Variants in MAPK11 observed in about 807,000 individuals in gnomAD.
MAPK11 encodes the protein MAP kinase 11.
MAPK11 carries 44 observed loss-of-function variants against 52.2 expected under a neutral mutation model. The ratio of observed to expected loss-of-function variants is 0.84; its 90% confidence interval spans 0.66 to 1.08. The LOEUF (loss-of-function observed/expected upper bound fraction) is 1.08, where lower values mean the gene tolerates loss of function less well. Ranked by LOEUF, MAPK11 falls within the 50% of genes least tolerant of loss-of-function variation. MAPK11 has a pLI of 0.00. For synonymous variants in MAPK11, 233 were observed against 206.3 expected (o/e 1.13, Z -1.11); for missense variants, 436 against 494.7 (o/e 0.88, Z 1.13).
At chr22:50,267,735 C>CCA in intron 2 of MAPK11, 85 bp downstream of exon 2, 1 of 1,438,528 alleles carries the variant, frequency 7.0e-7, no homozygotes, top group Non-Finnish European at 9.1e-7. Flanking sequence ...TCCCCGCCCC[C>CCA]ATCGCCAGGG....
rs894297491 is a variant in MAPK11 at position 50,264,031 on chromosome 22, C to G, written c.*917G>C. On this transcript the variant is annotated 3_prime_UTR_variant, in exon 12 of 12. Transcript: ENST00000330651. The stretch of plus-strand genomic sequence containing the variant: ...CATCCAGGTGTGCTGCCTGCCCTAG[C>G]GTCCTCAAGGCCAAACCACCCACCC... 1 of 152,506 alleles carries G rather than the reference C, an allele frequency of 6.6e-6. No individual in the cohort carries two copies. The highest frequency in any genetic ancestry group is 1.5e-5 in the Non-Finnish European group (1 of 68,296). 9.4% of individuals were successfully genotyped at this position (152,506 alleles called of 1,614,324 possible). A position where few individuals can be genotyped will look rare whatever the true frequency, so the allele number is the denominator to read the frequency against.
chr22:50,265,805 A>G (rs2065257505), intron 9 of MAPK11, 145 bp from the exon 10 acceptor site: 2 of 620,378 alleles, frequency 3.2e-6, no homozygotes, highest in African/African-American at 1.8e-5. Flanking sequence ...CCCCCTCCAT[A>G]TAGGATCTGG....
rs2147266406 is a variant in MAPK11 at position 50,263,989 on chromosome 22, G to A, written c.*959C>T. 2 of 152,552 alleles carry A rather than the reference G, an allele frequency of 1.3e-5. No individual in the cohort carries two copies. Among genetic ancestry groups the A allele is most frequent in the East Asian group, 3.9e-4 (2 of 5,188 alleles). 9.4% of individuals were successfully genotyped at this position (152,552 alleles called of 1,614,324 possible). A position where few individuals can be genotyped will look rare whatever the true frequency, so the allele number is the denominator to read the frequency against. Reference sequence around the variant, plus strand: ...GCGGGCCAGGGTGCAGGGCAGAAGTGTCCGAGTCCAAGTCCACATCCAGGT... The same window carrying A: ...GCGGGCCAGGGTGCAGGGCAGAAGTATCCGAGTCCAAGTCCACATCCAGGT... On this transcript the variant is annotated 3_prime_UTR_variant, in exon 12 of 12. Coordinates refer to ENST00000330651, the MANE Select transcript of MAPK11 (RefSeq NM_002751.7).
At position 50,265,590 on chromosome 22, in the gene MAPK11, T is replaced by C. The variant is rs1178743542; in HGVS notation, c.833A>G (p.Asn278Ser). 6.8e-6 allele frequency: 11 copies of C among 1,611,702 alleles called. No individual in the cohort carries two copies. Among genetic ancestry groups the C allele is most frequent in the East Asian group, 2.2e-5 (1 of 44,870 alleles). ...CCCAGGGCAGTCCTCACCCAGGGGGTTGGCTCCACGGAAGATGCTGCTCAG... is the reference window on the plus strand; with the variant it reads ...CCCAGGGCAGTCCTCACCCAGGGGGCTGGCTCCACGGAAGATGCTGCTCAG... ...KDLSSIFRGANPLAIDLLGRM... is the reference protein window; with the variant it reads ...KDLSSIFRGASPLAIDLLGRM... The change falls in exon 10 of 12, where the codon AAC becomes AGC. Residue 278 changes from asparagine to serine, a missense_variant. Asn to Ser is a conservative substitution (Grantham distance 46). Transcript: ENST00000330651.
chr22:50,266,788 C>G (rs575655920), intron 7 of MAPK11, 146 bp downstream of exon 7: 1 of 954,208 alleles, frequency 1.0e-6, no homozygotes, highest in South Asian at 1.4e-5. Context: ...ACCCATCATG[C>G]TCTAGCGGCC....
intron 6 of MAPK11, 31 bp downstream of exon 6, chr22:50,267,096 C>T (rs200690560): frequency 1.9e-6 from 3 of 1,611,414 alleles, no homozygotes; most frequent in South Asian, 1.1e-5. Flanking sequence ...GCTCCGCCGC[C>T]GCCCTGCCCA....
rs2065248640 is a variant in MAPK11, at chr22:50,264,773, A to G, written c.*175T>C. 1 of 586,376 alleles carries G rather than the reference A, an allele frequency of 1.7e-6. No homozygotes were observed. Among genetic ancestry groups the G allele is most frequent in the Non-Finnish European group, 3.1e-6 (1 of 327,710 alleles). The allele number at this position is 586,376 out of a possible 1,614,324, so 36.3% of individuals were successfully genotyped here. Reference sequence around the variant, plus strand: ...TCCTACACATGGCAAGCACATGTACACACATGTTTGTGCATGCATACATGC... The same window carrying G: ...TCCTACACATGGCAAGCACATGTACGCACATGTTTGTGCATGCATACATGC... On this transcript the variant is annotated 3_prime_UTR_variant, in exon 12 of 12. Coordinates refer to ENST00000330651, the MANE Select transcript of MAPK11 (RefSeq NM_002751.7).
At position 50,264,844 on chromosome 22, in the gene MAPK11, G is replaced by T. The variant is rs1569146639; in HGVS notation, c.*104C>A. 1.1e-5 allele frequency: 9 copies of T among 842,048 alleles called. No individual in the cohort carries two copies. In the East Asian group the frequency reaches 2.1e-4, roughly 20 times the overall value. 52.2% of individuals were successfully genotyped at this position (842,048 alleles called of 1,614,324 possible). A position where few individuals can be genotyped will look rare whatever the true frequency, so the allele number is the denominator to read the frequency against. On this transcript the variant is annotated 3_prime_UTR_variant, in exon 12 of 12. Coordinates refer to ENST00000330651, the MANE Select transcript of MAPK11 (RefSeq NM_002751.7). ...GAGGGGTCCTAGGCCAGAAGTCTGT[G>T]ACCATAGGAGTGTGGGAGGTGCCTC...
At position 50,267,022 on chromosome 22, in the gene MAPK11, C is replaced by G; in HGVS notation, c.522G>C (p.Gln174His). 1 of 1,612,502 alleles carries G rather than the reference C, an allele frequency of 6.2e-7. No homozygotes were observed. Among genetic ancestry groups the G allele is most frequent in the South Asian group, 1.1e-5 (1 of 91,072 alleles). ...LRILDFGLARQADEEMTGYVA... is the reference protein window; with the variant it reads ...LRILDFGLARHADEEMTGYVA... ...CATAGCCGGTCATCTCCTCGTCCGC[C>G]TGGCGCGCCAGCCCAAAATCCAGGA... The change falls in exon 7 of 12, where the codon CAG (glutamine) becomes CAC (histidine). Residue 174 changes from glutamine (Q) to histidine (H), a missense_variant. Coordinates refer to ENST00000330651, the MANE Select transcript of MAPK11 (RefSeq NM_002751.7).
intron 9 of MAPK11, among the ~76,000 whole-genome samples, chr22:50,265,906 A>T (rs1248768389): frequency 7.4e-6 from 1 of 134,964 alleles, no homozygotes; most frequent in Admixed American, 7.1e-5. Flanking sequence ...TGCCCTGGCC[A>T]GGCACTGCTT....
In MAPK11 at chr22:50,270,107, G is replaced by C; in HGVS notation, c.116+70C>G. On this transcript the variant is annotated intron_variant, in intron 1 of 11. Transcript: ENST00000330651. This position sits in a 1 kb window ranked among gnomAD's most constrained non-coding sequence, Gnocchi z 6.3. ...CCTCCCCACGCCGAGAACCTCGCGC[G>C]GGCGAGGAGGGGACGCGCTCTCCGG... is the stretch of plus-strand genomic sequence containing the variant. 1 of 759,002 alleles carries C rather than the reference G, an allele frequency of 1.3e-6. No individual in the cohort carries two copies. 47.0% of individuals were successfully genotyped at this position (759,002 alleles called of 1,614,324 possible). A position where few individuals can be genotyped will look rare whatever the true frequency, so the allele number is the denominator to read the frequency against.
intron 1 of MAPK11, among the ~76,000 whole-genome samples, chr22:50,268,194 T>C (rs1047025347): frequency 6.6e-6 from 1 of 152,234 alleles, no homozygotes; most frequent in African/African-American, 2.4e-5. Context: ...CTGGACCTTC[T>C]CTGTCCCCTG....
Position 50,266,956 on chromosome 22 carries a change from G to A in MAPK11, c.588C>T (p.Asn196=). ...CACCTGTTTGGTTGTAATGCATCCA[G>A]TTGAGCATGATCTCAGGTGCCCGGT... is the stretch of plus-strand genomic sequence containing the variant. ...RWYRAPEIML[N]WMHYNQTVDI... Residue 196 remains asparagine (N), a synonymous_variant, in exon 7 of 12, where the codon AAC becomes AAT. Coordinates refer to ENST00000330651, the MANE Select transcript of MAPK11 (RefSeq NM_002751.7). The A allele has an allele frequency of 1.2e-6, 2 of 1,611,304 alleles. No individual in the cohort carries two copies. Among genetic ancestry groups the A allele is most frequent in the Non-Finnish European group, 8.5e-7 (1 of 1,179,962 alleles).
In MAPK11 at chr22:50,265,345, C is replaced by T. The variant is rs1474153464; in HGVS notation, c.991G>A (p.Glu331Lys). 1.9e-6 allele frequency: 3 copies of T among 1,613,172 alleles called. No individual in the cohort carries two copies. The highest frequency in any genetic ancestry group is 8.5e-7 in the Non-Finnish European group (1 of 1,179,994). ...CCCTTCCACTCCTCCAGCGTGCGCTCCTTGGCCTCAACGCTCTCATCATAT... is the reference window on the plus strand; with the variant it reads ...CCCTTCCACTCCTCCAGCGTGCGCTTCTTGGCCTCAACGCTCTCATCATAT... ...EPYDESVEAK[E>K]RTLEEWKELT... The change falls in exon 11 of 12, where the codon GAG becomes AAG. Residue 331 changes from glutamate (E) to lysine (K), a missense_variant. Coordinates refer to ENST00000330651, the MANE Select transcript of MAPK11 (RefSeq NM_002751.7).
At chr22:50,267,344 G>T (rs770464160) in intron 4 of MAPK11, 27 bp downstream of exon 4, 12 of 1,588,640 alleles carry the variant, frequency 7.6e-6, no homozygotes, top group Non-Finnish European at 7.7e-6. Flanking sequence ...CCCTGCGAGA[G>T]GACCCGCGAA....
rs771701025 is a variant in MAPK11, at chr22:50,264,716, CA to C, written c.*231del. 2.0e-6 allele frequency: 1 copy of C among 494,752 alleles called. No homozygotes were observed. Among genetic ancestry groups the C allele is most frequent in the Non-Finnish European group, 3.7e-6 (1 of 272,114 alleles). 30.6% of individuals were successfully genotyped at this position (494,752 alleles called of 1,614,324 possible). ...AGTAGCCAGAAGAGGACAGGAGGAC[CA>C]AGGTAGGCCCAGGGACACTTGTGCC... is the stretch of plus-strand genomic sequence containing the variant. On this transcript the variant is annotated 3_prime_UTR_variant, in exon 12 of 12. Transcript: ENST00000330651.
chr22:50,268,114 C>A (rs979020873), intron 1 of MAPK11, among the ~76,000 whole-genome samples, 165 bp from the exon 2 acceptor site: 1 of 152,208 alleles, frequency 6.6e-6, no homozygotes, highest in Admixed American at 6.5e-5. Context: ...CTCGGGCCTA[C>A]CCACTCCGCG....
At position 50,264,854 on chromosome 22, in the gene MAPK11, G is replaced by T; in HGVS notation, c.*94C>A. On this transcript the variant is annotated 3_prime_UTR_variant, in exon 12 of 12. Coordinates refer to ENST00000330651, the MANE Select transcript of MAPK11 (RefSeq NM_002751.7). ...AGGCCAGAAGTCTGTGACCATAGGA[G>T]TGTGGGAGGTGCCTCTCGAGGAAAC... is the stretch of plus-strand genomic sequence containing the variant. The T allele has an allele frequency of 2.1e-6, 2 of 933,356 alleles. No homozygotes were observed. The highest frequency in any genetic ancestry group is 3.3e-6 in the Non-Finnish European group (2 of 604,312). 57.8% of individuals were successfully genotyped at this position (933,356 alleles called of 1,614,324 possible).
At position 50,267,016 on chromosome 22, in the gene MAPK11, G is replaced by A. The variant is rs200171398; in HGVS notation, c.528C>T (p.Asp176=). ...TGGCCACATAGCCGGTCATCTCCTC[G>A]TCCGCCTGGCGCGCCAGCCCAAAAT... ...ILDFGLARQA[D]EEMTGYVATR... Residue 176 remains aspartate (D), a synonymous_variant, in exon 7 of 12, where the codon GAC becomes GAT. Coordinates refer to ENST00000330651, the MANE Select transcript of MAPK11 (RefSeq NM_002751.7). 10 of 1,612,358 alleles carry A rather than the reference G, an allele frequency of 6.2e-6. No homozygotes were observed. The highest frequency in any genetic ancestry group is 5.0e-5 in the Admixed American group (3 of 59,998).
Sources: allele counts gnomAD v4.1 joint callset (sites outside exome capture counted in the v4.1 genomes callset), GRCh38; gene constraint gnomAD v4.1.1; non-coding constraint Gnocchi (gnomAD v3.1); transcripts MANE v1.5; gene names NCBI Gene and HGNC (gene_info 2026-07-23, HGNC 2026-07-21).